Variants in STAB2 observed in about 807,000 individuals in gnomAD.
STAB2 encodes the protein stabilin-2.
STAB2 carries 288 observed loss-of-function variants against 338.1 expected under a neutral mutation model. That is an observed-to-expected ratio of 0.85 (90% CI 0.77 to 0.94). STAB2 has a LOEUF of 0.94. Among genes scored for constraint, STAB2 ranks in the 40% least tolerant of loss-of-function variants. The pLI, the probability that STAB2 is intolerant of heterozygous loss-of-function variation, is 0.00. For synonymous variants in STAB2, 1,202 were observed against 1,193.3 expected, an observed-to-expected ratio of 1.01 and a Z score of -0.15; for missense variants, 3,141 against 3,210.1, an observed-to-expected ratio of 0.98 and a Z score of 0.52.
chr12:103,704,605 T>C lies in STAB2; in HGVS notation c.3891T>C (p.Thr1297=). Residue 1297 remains threonine, a synonymous_variant, in exon 36 of 69, where the codon ACT becomes ACC. Coordinates refer to ENST00000388887, the MANE Select transcript of STAB2 (RefSeq NM_017564.10). ...CSSELTCPFG[T]KSLGNEKRRC... ...CAGAGCTGACCTGCCCATTCGGAAC[T>C]AAATCTCTAGTAAGTACTTTGTCTG... 2 of 1,613,904 alleles carry C rather than the reference T, an allele frequency of 1.2e-6. No individual in the cohort carries two copies. Among genetic ancestry groups the C allele is most frequent in the Non-Finnish European group, 1.7e-6 (2 of 1,179,900 alleles).
At position 103,758,309 on chromosome 12, in the gene STAB2, C is replaced by G; in HGVS notation, c.7107+20C>G. ...AATGAGGTGAGTTGAGTCCCTGGTG[C>G]CTTTGCTTTAGACTAGCATGTTATC... On this transcript the variant is annotated intron_variant, in intron 64 of 68. Transcript: ENST00000388887. 6.2e-7 allele frequency: 1 copy of G among 1,611,536 alleles called. No individual in the cohort carries two copies. The highest frequency in any genetic ancestry group is 8.5e-7 in the Non-Finnish European group (1 of 1,179,996).
chr12:103,746,759 G>A (rs1593320971), intron 58 of STAB2, 55 bp downstream of exon 58: 1 of 1,571,172 alleles, frequency 6.4e-7, no homozygotes, highest in South Asian at 1.1e-5. Context: ...AGAGGAGCAG[G>A]ACTTGCTCAC....
chr12:103,703,389 C>G, intron 35 of STAB2, 113 bp downstream of exon 35: 3 of 1,297,632 alleles, frequency 2.3e-6, no homozygotes, highest in Non-Finnish European at 3.2e-6. Flanking sequence ...AGTCCATAAA[C>G]CACTGAATGA....
chr12:103,698,860 A>C (rs1011067044), intron 33 of STAB2, among the ~76,000 whole-genome samples: 1 of 152,180 alleles, frequency 6.6e-6, no homozygotes, highest in Non-Finnish European at 1.5e-5. Context: ...TCTGGGTTTT[A>C]GAATCCTCTA....
intron 4 of STAB2, among the ~76,000 whole-genome samples, chr12:103,621,642 G>C (rs924772907): frequency 1.3e-5 from 2 of 152,208 alleles, no homozygotes; most frequent in Non-Finnish European, 2.9e-5. Context: ...TGAAGCAGGA[G>C]AACCTGGGAG....
At chr12:103,601,688 T>C (rs1016958744) in intron 3 of STAB2, among the ~76,000 whole-genome samples, 1 of 152,216 alleles carries the variant, frequency 6.6e-6, no homozygotes, top group African/African-American at 2.4e-5. Flanking sequence ...CCTGAAGAAA[T>C]GCCTCCTGAA....
At chr12:103,735,656 T>C in intron 52 of STAB2, 76 bp downstream of exon 52, 2 of 1,170,566 alleles carry the variant, frequency 1.7e-6, no homozygotes, top group Non-Finnish European at 2.4e-6. Flanking sequence ...AACTGCCCCT[T>C]CAAGGAGATG....
chr12:103,761,178 T>G, intron 65 of STAB2, 122 bp from the exon 66 acceptor site: 1 of 808,840 alleles, frequency 1.2e-6, no homozygotes, highest in Non-Finnish European at 2.0e-6. Flanking sequence ...CTGGGCTGCC[T>G]ATCAGTGGAG....
chr12:103,682,898 A>G (rs891543916), intron 25 of STAB2, among the ~76,000 whole-genome samples: 1 of 152,202 alleles, frequency 6.6e-6, no homozygotes, highest in African/African-American at 2.4e-5. Flanking sequence ...CAGTGAGCCA[A>G]GATCATGCTA....
In STAB2 at chr12:103,650,502, C is replaced by T; in HGVS notation, c.1181C>T (p.Ala394Val). Residue 394 changes from alanine (A) to valine (V), a missense_variant, in exon 11 of 69, where the codon GCT (alanine) becomes GTT (valine). Transcript: ENST00000388887. ...LTSFISLLDKAYAWPLSKLGP... is the reference protein window; with the variant it reads ...LTSFISLLDKVYAWPLSKLGP... ...TGTTATTTCGACTCCTAAGACAAAGCTTATGCCTGGCCACTGAGTAAGCTG... is the reference window on the plus strand; with the variant it reads ...TGTTATTTCGACTCCTAAGACAAAGTTTATGCCTGGCCACTGAGTAAGCTG... 1.2e-6 allele frequency: 2 copies of T among 1,613,052 alleles called. No individual in the cohort carries two copies. The highest frequency in any genetic ancestry group is 1.7e-6 in the Non-Finnish European group (2 of 1,179,148).
chr12:103,752,575 T>A (rs1277835697), intron 60 of STAB2, among the ~76,000 whole-genome samples: 1 of 152,186 alleles, frequency 6.6e-6, no homozygotes, highest in African/African-American at 2.4e-5. Flanking sequence ...GGGAAATGAA[T>A]TTTTAAAACT....
chr12:103,660,132 C>T (rs1874483282), intron 15 of STAB2, among the ~76,000 whole-genome samples, 199 bp from the exon 16 acceptor site: 1 of 152,206 alleles, frequency 6.6e-6, no homozygotes, highest in African/African-American at 2.4e-5. Flanking sequence ...GCATATTATG[C>T]TTTCAAAACA....
intron 23 of STAB2, 150 bp from the exon 24 acceptor site, chr12:103,675,778 G>C (rs2138837740): frequency 1.7e-6 from 1 of 573,962 alleles, no homozygotes; most frequent in East Asian, 3.1e-5. Flanking sequence ...GATCCCAGAA[G>C]TACCCCGACC....
intron 10 of STAB2, 55 bp downstream of exon 10, chr12:103,648,878 A>G (rs1197258926): frequency 5.0e-6 from 8 of 1,590,668 alleles, no homozygotes; most frequent in Non-Finnish European, 6.0e-6. Flanking sequence ...AGGAAAGGGC[A>G]TCTGCAAGAT....
At chr12:103,623,922 G>T (rs954882963) in intron 5 of STAB2, among the ~76,000 whole-genome samples, 1 of 152,130 alleles carries the variant, frequency 6.6e-6, no homozygotes, top group Non-Finnish European at 1.5e-5. Flanking sequence ...GCTCACAATC[G>T]CAGTCAGTAA....
In STAB2 at chr12:103,723,737, A is replaced by G. The variant is rs953928882; in HGVS notation, c.4684-1238A>G. Among the ~76,000 whole-genome samples, 3 of 152,082 alleles carry G rather than the reference A, an allele frequency of 2.0e-5. No individual in the cohort carries two copies. The South Asian group carries it at 6.2e-4, about 32-fold the overall frequency. On this transcript the variant is annotated intron_variant, in intron 44 of 68. Coordinates refer to ENST00000388887, the MANE Select transcript of STAB2 (RefSeq NM_017564.10). ...AGCCATAGTGATGGAGGGAGAGAAG[A>G]GCCAGGGAGGGTCACAGTGTTCCAC...
At position 103,717,859 on chromosome 12, in the gene STAB2, G is replaced by T; in HGVS notation, c.4683+18G>T. ...GCTTAACTGTGAGTATGGCTCTAGG[G>T]TGGATATCCTTCAAGCCTCAGAGCC... is the stretch of plus-strand genomic sequence containing the variant. On this transcript the variant is annotated intron_variant, in intron 44 of 68. Transcript: ENST00000388887. The T allele has an allele frequency of 6.2e-7, 1 of 1,613,842 alleles. No individual in the cohort carries two copies. The highest frequency in any genetic ancestry group is 8.5e-7 in the Non-Finnish European group (1 of 1,179,820).
chr12:103,676,145 TC>T, intron 24 of STAB2, 124 bp downstream of exon 24: 1 of 578,414 alleles, frequency 1.7e-6, no homozygotes, highest in Middle Eastern at 5.2e-4. Flanking sequence ...CACTGCAACA[TC>T]CGCCTCCCGG....
In STAB2 at chr12:103,608,946, C is replaced by T. The variant is rs138179785; in HGVS notation, c.332-11522C>T. Among the ~76,000 whole-genome samples, 436 of 152,320 alleles carry T rather than the reference C, an allele frequency of 2.9e-3. 3 individuals are homozygous for T. The highest frequency in any genetic ancestry group is 9.4e-3 in the African/African-American group (391 of 41,570). The stretch of plus-strand genomic sequence containing the variant: ...CAGCACCATTTATTAAATAGGAAAT[C>T]CTTTCCCCATTTCCTGCTTTCGTCA... On this transcript the variant is annotated intron_variant, in intron 3 of 68. Coordinates refer to ENST00000388887, the MANE Select transcript of STAB2 (RefSeq NM_017564.10).
Sources: gnomAD v4.1 joint callset for allele counts (sites outside exome capture counted in the v4.1 genomes callset) on GRCh38, gnomAD v4.1.1 for gene constraint, MANE v1.5 for transcripts, NCBI Gene and HGNC (gene_info 2026-07-23, HGNC 2026-07-21) for gene names.